Variants in CYP19A1 observed in about 807,000 individuals in gnomAD.
The protein encoded by CYP19A1 is cytochrome P450 family 19 subfamily A member 1.
CYP19A1 carries 32 observed loss-of-function variants against 44.4 expected under a neutral mutation model. That is an observed-to-expected ratio of 0.72 (90% confidence interval 0.54 to 0.97). CYP19A1 has a LOEUF of 0.97. Ranked by LOEUF, CYP19A1 falls within the 50% of genes least tolerant of loss-of-function variation. The probability of loss-of-function intolerance (pLI) is 0.00; values close to 1 mark genes in which losing one functional copy is unlikely to be tolerated. For missense variants in CYP19A1, 598 were observed against 637.8 expected (o/e 0.94, Z 0.67); for synonymous variants, 212 against 215.6 (o/e 0.98, Z 0.14).
intron 1 of CYP19A1, among the ~76,000 whole-genome samples, chr15:51,296,235 T>G (rs1382049458): frequency 6.6e-6 from 1 of 150,886 alleles, no homozygotes; most frequent in African/African-American, 2.4e-5. Flanking sequence ...TGGGCAGGGG[T>G]TTTTGTAGAA....
intron 1 of CYP19A1, among the ~76,000 whole-genome samples, chr15:51,246,214 C>A (rs1437123637): frequency 6.6e-6 from 1 of 152,142 alleles, no homozygotes; most frequent in Non-Finnish European, 1.5e-5. Flanking sequence ...CTAGAACTTG[C>A]ACAGAGGTTG....
At chr15:51,324,803 G>A (rs917937411) in intron 1 of CYP19A1, among the ~76,000 whole-genome samples, 5 of 152,144 alleles carry the variant, frequency 3.3e-5, no homozygotes, top group Non-Finnish European at 7.4e-5. Context: ...TTTATTATCA[G>A]TTCTAGGGAC....
chr15:51,291,040 A>C (rs2035833080), intron 1 of CYP19A1, among the ~76,000 whole-genome samples: 1 of 152,188 alleles, frequency 6.6e-6, no homozygotes, highest in Non-Finnish European at 1.5e-5. Context: ...ACCCCATCCC[A>C]TTGGATTCTG....
chr15:51,263,581 C>G (rs2034809108), intron 1 of CYP19A1, among the ~76,000 whole-genome samples: 1 of 152,018 alleles, frequency 6.6e-6, no homozygotes, highest in African/African-American at 2.4e-5. Flanking sequence ...AGGAAGAGGT[C>G]AAAGATTTGG....
At chr15:51,291,146 T>C (rs1382318433) in intron 1 of CYP19A1, among the ~76,000 whole-genome samples, 1 of 152,028 alleles carries the variant, frequency 6.6e-6, no homozygotes, top group African/African-American at 2.4e-5. Flanking sequence ...AAAGTAAAGG[T>C]ATGGAACTGA....
chr15:51,261,672 G>A (rs2034727168), intron 1 of CYP19A1, among the ~76,000 whole-genome samples: 1 of 152,206 alleles, frequency 6.6e-6, no homozygotes, highest in South Asian at 2.1e-4. Flanking sequence ...CACTTGACAA[G>A]TGCTGTGGGG....
intron 9 of CYP19A1, 97 bp from the exon 10 acceptor site, chr15:51,211,153 T>G: frequency 1.2e-6 from 1 of 821,024 alleles, no homozygotes; most frequent in Non-Finnish European, 2.1e-6. Context: ...GTCAGAACAC[T>G]GTTTTGGGGT....
intron 5 of CYP19A1, among the ~76,000 whole-genome samples, chr15:51,219,809 C>G (rs1158980478): frequency 6.6e-6 from 1 of 152,164 alleles, no homozygotes; most frequent in Non-Finnish European, 1.5e-5. Flanking sequence ...AGAGGGGGAC[C>G]TGGAAATCTA....
At chr15:51,283,046 G>T (rs1039248620) in intron 1 of CYP19A1, among the ~76,000 whole-genome samples, 2 of 152,130 alleles carry the variant, frequency 1.3e-5, no homozygotes, top group Admixed American at 6.5e-5. Flanking sequence ...TATAAAGATG[G>T]AGCAAAAATT....
At chr15:51,258,333 C>A (rs541534599) in intron 1 of CYP19A1, among the ~76,000 whole-genome samples, 2 of 152,336 alleles carry the variant, frequency 1.3e-5, no homozygotes, top group South Asian at 4.1e-4. Context: ...TCTCTCCAGC[C>A]TGCCGACACC....
intron 1 of CYP19A1, among the ~76,000 whole-genome samples, chr15:51,246,870 C>T (rs1413529067): frequency 1.3e-5 from 2 of 152,212 alleles, no homozygotes; most frequent in Non-Finnish European, 2.9e-5. Context: ...CTTATTCTCT[C>T]CAGCAAACCT....
chr15:51,216,316 A>C (rs949970023), intron 6 of CYP19A1, among the ~76,000 whole-genome samples: 4 of 152,084 alleles, frequency 2.6e-5, no homozygotes, highest in African/African-American at 4.8e-5. Context: ...CAGTGGCATG[A>C]TCTCAGCCCA....
intron 1 of CYP19A1, among the ~76,000 whole-genome samples, chr15:51,280,292 G>A (rs2035472661): frequency 6.6e-6 from 1 of 151,822 alleles, no homozygotes; most frequent in Admixed American, 6.6e-5. Flanking sequence ...TAGAGACGGG[G>A]TTTCACAGTC....
intron 8 of CYP19A1, among the ~76,000 whole-genome samples, chr15:51,214,136 G>T (rs750786226): frequency 6.6e-6 from 1 of 152,176 alleles, no homozygotes; most frequent in African/African-American, 2.4e-5. Context: ...AACTTGTTTT[G>T]CAGGGTCTGT....
rs1000863214 is a variant in CYP19A1 at position 51,226,972 on chromosome 15, G to C, written c.451+807C>G. On this transcript the variant is annotated intron_variant, in intron 4 of 9. Transcript: ENST00000396402. ...AATTATCTAATTTCATTCACAAATTGCTTCCTGCTAAATCATCTGGGCTGT... is the reference window on the plus strand; with the variant it reads ...AATTATCTAATTTCATTCACAAATTCCTTCCTGCTAAATCATCTGGGCTGT... Among the ~76,000 whole-genome samples the C allele has an allele frequency of 5.3e-5, 8 of 152,068 alleles. 1 individual carries two copies. The highest frequency in any genetic ancestry group is 1.9e-4 in the African/African-American group (8 of 41,346).
intron 1 of CYP19A1, among the ~76,000 whole-genome samples, chr15:51,305,622 G>A (rs2036201414): frequency 1.3e-5 from 2 of 152,062 alleles, no homozygotes; most frequent in Non-Finnish European, 1.5e-5. Flanking sequence ...GTGCAATGGT[G>A]CAATCTTGGC....
intron 1 of CYP19A1, among the ~76,000 whole-genome samples, chr15:51,284,036 A>T (rs1052677271): frequency 1.3e-5 from 2 of 152,228 alleles, no homozygotes; most frequent in African/African-American, 4.8e-5. Context: ...GTTGCTGTGC[A>T]TACAGGAATA....
chr15:51,292,546 C>T (rs1447146160), intron 1 of CYP19A1, among the ~76,000 whole-genome samples: 5 of 152,230 alleles, frequency 3.3e-5, no homozygotes, highest in Non-Finnish European at 7.3e-5. Flanking sequence ...TGTCCCTTGG[C>T]ATATGCTTTT....
intron 5 of CYP19A1, among the ~76,000 whole-genome samples, chr15:51,220,007 G>C (rs754828069): frequency 3.9e-5 from 6 of 152,202 alleles, no homozygotes; most frequent in Admixed American, 2.6e-4. Context: ...GGAGTAGCTG[G>C]AGTAGGGGAG....
Sources: gnomAD v4.1 joint callset for allele counts (sites outside exome capture counted in the v4.1 genomes callset) on GRCh38, gnomAD v4.1.1 for gene constraint, MANE v1.5 for transcripts, NCBI Gene and HGNC (gene_info 2026-07-23, HGNC 2026-07-21) for gene names.